Variants in FAM171A1 observed in about 807,000 individuals in gnomAD.
FAM171A1 encodes family with sequence similarity 171 member A1.
FAM171A1 carries 23 observed loss-of-function variants against 74.9 expected under a neutral mutation model. The ratio of observed to expected loss-of-function variants is 0.31; its 90% CI spans 0.22 to 0.44. The LOEUF is 0.44. Among genes scored for constraint, FAM171A1 ranks in the 20% least tolerant of loss-of-function variants. The pLI is 1.00. For missense variants in FAM171A1, 1,162 were observed against 1,159.2 expected (o/e 1.00, Z -0.03); for synonymous variants, 527 against 505.7 (o/e 1.04, Z -0.57).
intron 5 of FAM171A1, among the ~76,000 whole-genome samples, chr10:15,247,508 A>G (rs1330495246): frequency 1.3e-5 from 2 of 152,056 alleles, no homozygotes; most frequent in Non-Finnish European, 2.9e-5. Context: ...AGCCAGCCCC[A>G]AGTGACCCCT....
chr10:15,301,362 A>ATTTTTTT (rs71390027), intron 1 of FAM171A1, among the ~76,000 whole-genome samples: 1 of 141,564 alleles, frequency 7.1e-6, no homozygotes, highest in East Asian at 2.1e-4. Context: ...ATATATATAT[A>ATTTTTTT]TTTTTTTTTT....
chr10:15,219,931 A>G (rs778299331), intron 6 of FAM171A1, among the ~76,000 whole-genome samples: 22 of 152,244 alleles, frequency 1.4e-4, no homozygotes, highest in Non-Finnish European at 2.6e-4. Flanking sequence ...TTTTCTTAGT[A>G]TGGTGATATA....
At chr10:15,226,839 G>T (rs1292070252) in intron 5 of FAM171A1, among the ~76,000 whole-genome samples, 1 of 151,714 alleles carries the variant, frequency 6.6e-6, no homozygotes, top group Non-Finnish European at 1.5e-5. Context: ...CGTGTTATCA[G>T]TGTTCTGTTA....
At chr10:15,359,091 G>A (rs964385413) in intron 1 of FAM171A1, among the ~76,000 whole-genome samples, 1 of 152,176 alleles carries the variant, frequency 6.6e-6, no homozygotes, top group Non-Finnish European at 1.5e-5. Flanking sequence ...ATACTGTCTG[G>A]CATGTAAGAA....
chr10:15,345,743 C>A (rs1399720569), intron 1 of FAM171A1, among the ~76,000 whole-genome samples: 2 of 152,102 alleles, frequency 1.3e-5, no homozygotes, highest in Non-Finnish European at 2.9e-5. Context: ...GGGTGCCCAT[C>A]AAAAAACATA....
chr10:15,347,609 G>A (rs1308314153), intron 1 of FAM171A1, among the ~76,000 whole-genome samples: 4 of 152,020 alleles, frequency 2.6e-5, no homozygotes, highest in African/African-American at 7.2e-5. Context: ...AGGCCGAGGC[G>A]AGTGGATGAC....
intron 5 of FAM171A1, among the ~76,000 whole-genome samples, chr10:15,245,018 A>G (rs892146036): frequency 6.6e-6 from 1 of 152,086 alleles, no homozygotes; most frequent in African/African-American, 2.4e-5. Flanking sequence ...TATTTTGTTT[A>G]GAAGAGATAA....
intron 1 of FAM171A1, among the ~76,000 whole-genome samples, chr10:15,328,518 C>T (rs1055282705): frequency 2.6e-5 from 4 of 152,296 alleles, no homozygotes; most frequent in East Asian, 1.9e-4. Context: ...GGATACAGAG[C>T]GACGCGGATA....
chr10:15,254,530 CAT>C (rs1188798398), intron 4 of FAM171A1, among the ~76,000 whole-genome samples, 189 bp downstream of exon 4: 1 of 152,228 alleles, frequency 6.6e-6, no homozygotes, highest in African/African-American at 2.4e-5. Context: ...AATGTGCTAA[CAT>C]GTAATTCTGC....
At chr10:15,315,727 G>A (rs1835414279) in intron 1 of FAM171A1, among the ~76,000 whole-genome samples, 1 of 152,126 alleles carries the variant, frequency 6.6e-6, no homozygotes, top group Non-Finnish European at 1.5e-5. Flanking sequence ...GATTCACCTG[G>A]TGTCCCCCCA....
In FAM171A1 at chr10:15,215,343, T is replaced by C. The variant is rs114430988; in HGVS notation, c.986+653A>G. 9.5e-3 allele frequency among the ~76,000 whole-genome samples: 1,447 copies of C among 152,178 alleles called. 27 individuals carry two copies. The highest frequency in any genetic ancestry group is 0.033 in the African/African-American group (1,361 of 41,506). On this transcript the variant is annotated intron_variant, in intron 7 of 7. Transcript: ENST00000378116. ...GTTGACAATAAATATTCTTGCAAAC[T>C]AAACAGACACGGCATCTAAATAAGA... is the stretch of plus-strand genomic sequence containing the variant.
intron 1 of FAM171A1, among the ~76,000 whole-genome samples, chr10:15,287,389 CCT>C (rs1491480770): frequency 4.8e-5 from 7 of 145,762 alleles, no homozygotes; most frequent in Non-Finnish European, 9.0e-5. Context: ...ACCGCGCCGG[CCT>C]CTTTTTTTTT....
intron 5 of FAM171A1, among the ~76,000 whole-genome samples, chr10:15,222,594 A>G (rs1196416931): frequency 6.6e-6 from 1 of 152,194 alleles, no homozygotes; most frequent in East Asian, 1.9e-4. Flanking sequence ...ATTCTACCCA[A>G]ATGCTTGCCT....
chr10:15,255,406 ATCTTC>A (rs1036545264), intron 3 of FAM171A1, among the ~76,000 whole-genome samples: 15 of 152,286 alleles, frequency 9.8e-5, no homozygotes, highest in African/African-American at 3.6e-4. Flanking sequence ...GCGGCAATGA[ATCTTC>A]TCTTTCTGTG....
intron 2 of FAM171A1, among the ~76,000 whole-genome samples, chr10:15,282,134 G>A (rs1834978135): frequency 6.6e-6 from 1 of 152,144 alleles, no homozygotes; most frequent in Non-Finnish European, 1.5e-5. Flanking sequence ...CGGCTGGAGT[G>A]CAGTGGCTCC....
chr10:15,231,689 C>T (rs1159751955), intron 5 of FAM171A1, among the ~76,000 whole-genome samples: 2 of 152,046 alleles, frequency 1.3e-5, no homozygotes, highest in East Asian at 1.9e-4. Context: ...AGCGGGTTCA[C>T]TAGGTGGCCA....
intron 1 of FAM171A1, among the ~76,000 whole-genome samples, chr10:15,287,051 A>G (rs1421733702): frequency 1.3e-5 from 2 of 152,002 alleles, no homozygotes; most frequent in African/African-American, 2.4e-5. Flanking sequence ...CTTCAATCCA[A>G]TCAGGATGTG....
rs1296166831 is a variant in FAM171A1, at chr10:15,331,881, A to G, written c.97+39075T>C. ...TGTGTATATATATGTGTGTGTATAC[A>G]TATATATATATATATGAAACAATTA... On this transcript the variant is annotated intron_variant, in intron 1 of 7. Coordinates refer to ENST00000378116, the MANE Select transcript of FAM171A1 (RefSeq NM_001010924.2). Among the ~76,000 whole-genome samples the G allele has an allele frequency of 6.1e-3, 552 of 90,596 alleles. 24 individuals are homozygous for G. The highest frequency in any genetic ancestry group is 0.023 in the African/African-American group (507 of 22,250). 59.4% of individuals were successfully genotyped at this position (90,596 alleles called of 152,430 possible). A position where few individuals can be genotyped will look rare whatever the true frequency, so the allele number is the denominator to read the frequency against.
intron 3 of FAM171A1, among the ~76,000 whole-genome samples, chr10:15,271,768 C>T (rs1281285424): frequency 1.3e-5 from 2 of 152,170 alleles, no homozygotes; most frequent in African/African-American, 2.4e-5. Flanking sequence ...CCCAGAATTT[C>T]ATATCCAGCC....
Sources: gnomAD v4.1 joint callset for allele counts (sites outside exome capture counted in the v4.1 genomes callset) on GRCh38, gnomAD v4.1.1 for gene constraint, MANE v1.5 for transcripts, NCBI Gene and HGNC (gene_info 2026-07-23, HGNC 2026-07-21) for gene names.